Variants in RALGPS2 observed in about 807,000 individuals in gnomAD.
The protein encoded by RALGPS2 is ras-specific guanine nucleotide-releasing factor RalGPS2.
In RALGPS2, 43 loss-of-function variants were observed where a neutral mutation model predicts 86.8. That is an observed-to-expected ratio of 0.50 (90% confidence interval 0.39 to 0.64). RALGPS2 has a LOEUF of 0.64. Among genes scored for constraint, RALGPS2 ranks in the 30% least tolerant of loss-of-function variants. The pLI, the probability that RALGPS2 is intolerant of heterozygous loss-of-function variation, is 0.00. For missense variants in RALGPS2, 536 were observed against 694.6 expected (o/e 0.77, Z 2.57); for synonymous variants, 243 against 231.3 (o/e 1.05, Z -0.46).
intron 8 of RALGPS2, among the ~76,000 whole-genome samples, chr1:178,857,188 A>G (rs1251938237): frequency 2.0e-5 from 3 of 152,204 alleles, no homozygotes. Flanking sequence ...ATTGCGTGTA[A>G]TGCAGGTAGT....
Position 178,887,441 on chromosome 1 carries a change from C to T in RALGPS2, c.1192+1321C>T, listed in dbSNP as rs1659538919. ...GCACTACCCTGCCTGGATCACAGAG[C>T]GAGATTCTGTCTCAAAAAAAGAAAG... On this transcript the variant is annotated intron_variant, in intron 13 of 19. Coordinates refer to ENST00000367635, the MANE Select transcript of RALGPS2 (RefSeq NM_152663.5). Among the ~76,000 whole-genome samples, 2 of 152,028 alleles carry T rather than the reference C, an allele frequency of 1.3e-5. 1 individual carries two copies. Among genetic ancestry groups the T allele is most frequent in the Admixed American group, 1.3e-4 (2 of 15,264 alleles).
chr1:178,908,328 A>G (rs1056594182), intron 19 of RALGPS2, among the ~76,000 whole-genome samples: 40 of 152,146 alleles, frequency 2.6e-4, no homozygotes, highest in Non-Finnish European at 2.9e-4. Context: ...TCTTTATCCA[A>G]TCCACTGTTG....
chr1:178,835,076 C>CGTG (rs1656209528), intron 8 of RALGPS2, among the ~76,000 whole-genome samples: 1 of 152,232 alleles, frequency 6.6e-6, no homozygotes, highest in African/African-American at 2.4e-5. Context: ...TCACACCCAG[C>CGTG]GTGGTGCTCT....
At chr1:178,781,978 C>G (rs959802497) in intron 2 of RALGPS2, among the ~76,000 whole-genome samples, 11 of 152,082 alleles carry the variant, frequency 7.2e-5, no homozygotes, top group Non-Finnish European at 1.5e-4. Context: ...GGTTTCTGCT[C>G]AGATTTGTAA....
At chr1:178,887,384 CAG>C (rs1659536637) in intron 13 of RALGPS2, among the ~76,000 whole-genome samples, 1 of 152,176 alleles carries the variant, frequency 6.6e-6, no homozygotes, top group African/African-American at 2.4e-5. Context: ...ACCCAGGAAA[CAG>C]AGGTTGCAGC....
rs772719427 is a variant in RALGPS2, at chr1:178,893,906, T to G, written c.1326-13T>G. 2 of 1,546,730 alleles carry G rather than the reference T, an allele frequency of 1.3e-6. No homozygotes were observed. The highest frequency in any genetic ancestry group is 3.5e-5 in the Admixed American group (2 of 57,838). ...ACAAAAGCTCTTATGTGTTCTTTTC[T>G]TCGTTATTATAGTTCTGCAGAATCA... On this transcript the variant is annotated splice_polypyrimidine_tract_variant and intron_variant, in intron 15 of 19. Transcript: ENST00000367635.
chr1:178,915,093 G>T (rs1396102783), intron 19 of RALGPS2, among the ~76,000 whole-genome samples: 1 of 152,112 alleles, frequency 6.6e-6, no homozygotes, highest in African/African-American at 2.4e-5. Flanking sequence ...TTCTATACTT[G>T]CAAGAATTAG....
chr1:178,865,477 A>G (rs145129397), intron 8 of RALGPS2: 116 of 1,613,986 alleles, frequency 7.2e-5, no homozygotes, highest in Non-Finnish European at 8.7e-5. Context: ...GTTGCAGAAC[A>G]TCTATCTCCC....
intron 1 of RALGPS2, chr1:178,747,202 G>T: frequency 7.9e-7 from 1 of 1,260,482 alleles, no homozygotes; most frequent in Non-Finnish European, 1.2e-6. Context: ...CTGCACTACG[G>T]TGGATCACCA....
intron 1 of RALGPS2, among the ~76,000 whole-genome samples, chr1:178,739,337 A>G (rs1415598376): frequency 1.3e-5 from 2 of 152,368 alleles, no homozygotes; most frequent in East Asian, 3.9e-4. Context: ...CTTCTTGGTC[A>G]GAGACAGTCT....
intron 8 of RALGPS2, among the ~76,000 whole-genome samples, chr1:178,857,439 G>A (rs80206607): frequency 6.6e-6 from 1 of 152,086 alleles, no homozygotes; most frequent in Non-Finnish European, 1.5e-5. Context: ...GAGTCAAGTG[G>A]GGGGTGGGAG....
chr1:178,851,815 C>T (rs1351684741), intron 8 of RALGPS2, among the ~76,000 whole-genome samples: 6 of 152,038 alleles, frequency 3.9e-5, no homozygotes, highest in African/African-American at 7.2e-5. Flanking sequence ...AAAATAGAGA[C>T]CTGTGTGCTG....
At chr1:178,911,594 A>AT (rs1165305686) in intron 19 of RALGPS2, among the ~76,000 whole-genome samples, 1 of 152,026 alleles carries the variant, frequency 6.6e-6, no homozygotes, top group African/African-American at 2.4e-5. Flanking sequence ...TATGATTTCA[A>AT]TTTTTTTGAA....
At position 178,819,737 on chromosome 1, in the gene RALGPS2, G is replaced by A. The variant is rs572238516; in HGVS notation, c.388-1875G>A. Among the ~76,000 whole-genome samples, 17 of 152,234 alleles carry A rather than the reference G, an allele frequency of 1.1e-4. 1 individual carries two copies. The South Asian group carries it at 3.5e-3, about 32-fold the overall frequency. On this transcript the variant is annotated intron_variant, in intron 6 of 19. Transcript: ENST00000367635. ...TTAATTATTTTCACTGGAAGAGTAGGTCAAGGTGTCTAATTTACCAGACTT... is the reference window on the plus strand; with the variant it reads ...TTAATTATTTTCACTGGAAGAGTAGATCAAGGTGTCTAATTTACCAGACTT...
intron 4 of RALGPS2, among the ~76,000 whole-genome samples, chr1:178,791,696 C>T (rs1653964320): frequency 1.3e-5 from 2 of 152,082 alleles, no homozygotes; most frequent in Non-Finnish European, 2.9e-5. Flanking sequence ...GTAATTCTTA[C>T]TAGTTTATGG....
At chr1:178,852,936 A>C in intron 8 of RALGPS2, 2 of 1,611,564 alleles carry the variant, frequency 1.2e-6, no homozygotes, top group Non-Finnish European at 1.7e-6. Context: ...ATTCTCCGTC[A>C]ATGTTTCCAA....
chr1:178,732,115 C>CATCATCTGAGAGTAAGGAAGA lies in RALGPS2; in HGVS notation c.-84+6699_-84+6719dup, dbSNP rs543952397. Among the ~76,000 whole-genome samples the CATCATCTGAGAGTAAGGAAGA allele has an allele frequency of 6.0e-3, 907 of 152,118 alleles. 9 individuals carry two copies. Among genetic ancestry groups the CATCATCTGAGAGTAAGGAAGA allele is most frequent in the African/African-American group, 0.021 (866 of 41,476 alleles). Reference sequence around the variant, plus strand: ...TACCTTTGTGTATAGAGGCCAAGCTCATCATCTGAGAGTAAGGAAGAATGG... The same window carrying CATCATCTGAGAGTAAGGAAGA: ...TACCTTTGTGTATAGAGGCCAAGCTCATCATCTGAGAGTAAGGAAGAATCATCTGAGAGTAAGGAAGAATGG... On this transcript the variant is annotated intron_variant, in intron 1 of 19. Transcript: ENST00000367635.
At chr1:178,757,621 T>C (rs193264580) in intron 1 of RALGPS2, among the ~76,000 whole-genome samples, 28 of 152,362 alleles carry the variant, frequency 1.8e-4, no homozygotes, top group African/African-American at 6.5e-4. Flanking sequence ...TGAACCAACC[T>C]TGCATCACAA....
chr1:178,834,920 G>A (rs1470230140), intron 8 of RALGPS2, among the ~76,000 whole-genome samples: 1 of 152,202 alleles, frequency 6.6e-6, no homozygotes, highest in East Asian at 1.9e-4. Context: ...TGGGATTACA[G>A]GCAAGCACCA....
Sources: allele counts gnomAD v4.1 joint callset (sites outside exome capture counted in the v4.1 genomes callset), GRCh38; gene constraint gnomAD v4.1.1; transcripts MANE v1.5; gene names NCBI Gene and HGNC (gene_info 2026-07-23, HGNC 2026-07-21).